Variants in PADI4 observed in about 807,000 individuals in gnomAD.
The protein encoded by PADI4 is protein-arginine deiminase type-4.
A neutral mutation model predicts 75.0 loss-of-function variants in PADI4; 62 were observed. The observed-to-expected ratio is 0.83, with a 90% CI of 0.67 to 1.02. The LOEUF is 1.02. Among genes scored for constraint, PADI4 ranks in the 50% least tolerant of loss-of-function variants. PADI4 has a pLI of 0.00. For synonymous variants in PADI4, 361 were observed against 348.1 expected, an observed-to-expected ratio of 1.04 and a Z score of -0.41; for missense variants, 845 against 850.5, an observed-to-expected ratio of 0.99 and a Z score of 0.08.
At chr1:17,320,946 T>C (rs1557543655) in intron 1 of PADI4, among the ~76,000 whole-genome samples, 1 of 152,200 alleles carries the variant, frequency 6.6e-6, no homozygotes, top group South Asian at 2.1e-4. Context: ...TAATCTAGGA[T>C]AATCTCCCCA....
chr1:17,309,923 C>T (rs1052166258), intron 1 of PADI4, among the ~76,000 whole-genome samples: 3 of 152,188 alleles, frequency 2.0e-5, no homozygotes, highest in East Asian at 1.9e-4. Context: ...CTCTACCCAG[C>T]GTCCATGAGT....
At chr1:17,319,194 G>GT (rs1569991536) in intron 1 of PADI4, among the ~76,000 whole-genome samples, 1 of 152,076 alleles carries the variant, frequency 6.6e-6, no homozygotes, top group African/African-American at 2.4e-5. Context: ...TGGTTCAAGT[G>GT]TTTTTTTGAT....
intron 14 of PADI4, 90 bp downstream of exon 14, chr1:17,358,998 C>T (rs1374912526): frequency 3.5e-6 from 3 of 856,538 alleles, no homozygotes; most frequent in East Asian, 2.6e-5. Context: ...CACAGAGGCT[C>T]AGGGTCTCAG....
intron 15 of PADI4, among the ~76,000 whole-genome samples, chr1:17,362,417 T>A (rs974407799): frequency 6.6e-6 from 1 of 150,922 alleles, no homozygotes; most frequent in African/African-American, 2.4e-5. Flanking sequence ...GCTGGAGGCA[T>A]TATCCTAAGT....
At chr1:17,324,362 C>T (rs1219464437) in intron 1 of PADI4, among the ~76,000 whole-genome samples, 1 of 151,974 alleles carries the variant, frequency 6.6e-6, no homozygotes, top group Non-Finnish European at 1.5e-5. Flanking sequence ...TGCCTAAGTT[C>T]TTTAAATAGT....
At position 17,336,186 on chromosome 1, in the gene PADI4, G is replaced by A. The variant is rs1313277831; in HGVS notation, c.368G>A (p.Arg123His). 8 of 1,613,150 alleles carry A rather than the reference G, an allele frequency of 5.0e-6. No homozygotes were observed. The highest frequency in any genetic ancestry group is 1.7e-5 in the Admixed American group (1 of 59,988). Residue 123 changes from arginine to histidine, a missense_variant, in exon 4 of 16, where the codon CGC (arginine) becomes CAC (histidine). Physicochemically the swap from Arg to His is conservative, Grantham distance 29 (BLOSUM62 0). Transcript: ENST00000375448. ...VEISLCADIT[R>H]TGKVKPTRAV... ...ATCTCCTTGTGCGCAGACATCACCC[G>A]CACCGGCAAAGTGAAGCCAACCAGA...
At chr1:17,352,254 G>T (rs77713664) in intron 10 of PADI4, among the ~76,000 whole-genome samples, 4,956 of 148,762 alleles carry the variant, frequency 0.033, 303 homozygotes, top group African/African-American at 0.12. Context: ...AGCAGAGGTG[G>T]TCAAGGAGGT....
intron 1 of PADI4, among the ~76,000 whole-genome samples, chr1:17,314,263 GACC>G (rs1244149706): frequency 6.6e-6 from 1 of 152,192 alleles, no homozygotes; most frequent in Non-Finnish European, 1.5e-5. Context: ...CCCATCCTCT[GACC>G]ACAGTGCCCA....
At chr1:17,313,957 C>A (rs2073890013) in intron 1 of PADI4, among the ~76,000 whole-genome samples, 1 of 152,202 alleles carries the variant, frequency 6.6e-6, no homozygotes, top group African/African-American at 2.4e-5. Context: ...TGGAACACAG[C>A]CAGAGGAAGC....
chr1:17,342,034 C>T lies in PADI4; in HGVS notation c.744C>T (p.Asp248=). The change falls in exon 7 of 16, where the codon GAC becomes GAT. Residue 248 remains aspartate, a synonymous_variant. Coordinates refer to ENST00000375448, the MANE Select transcript of PADI4 (RefSeq NM_012387.3). ...LMVPGGKHNM[D]FYVEALAFPD... ...TCCCCGGTGGAAAGCACAACATGGACTTCTACGTGGAGGCCCTCGCTTTCC... is the reference window on the plus strand; with the variant it reads ...TCCCCGGTGGAAAGCACAACATGGATTTCTACGTGGAGGCCCTCGCTTTCC... 6.2e-7 allele frequency: 1 copy of T among 1,613,888 alleles called. No homozygotes were observed. The highest frequency in any genetic ancestry group is 8.5e-7 in the Non-Finnish European group (1 of 1,179,776).
At position 17,356,142 on chromosome 1, in the gene PADI4, G is replaced by A. The variant is rs937206968; in HGVS notation, c.1455+15G>A. On this transcript the variant is annotated intron_variant, in intron 12 of 15. Transcript: ENST00000375448. The surrounding 1 kb of genome is among the most constrained non-coding windows in gnomAD (Gnocchi z 4.1). ...CCGACAGGAAGGTACAGTCTTGGGG[G>A]CTGCCTCAGGAAGCCATGCCTCCTT... 8 of 1,611,976 alleles carry A rather than the reference G, an allele frequency of 5.0e-6. No homozygotes were observed. The highest frequency in any genetic ancestry group is 4.0e-5 in the African/African-American group (3 of 74,876).
Position 17,342,461 on chromosome 1 carries a change from G to A in PADI4, c.935+59G>A, listed in dbSNP as rs553312194. 3.6e-4 allele frequency: 359 copies of A among 1,010,882 alleles called. 1 individual carries two copies. In the Middle Eastern group the frequency reaches 3.8e-3, roughly 11 times the overall value. The allele number at this position is 1,010,882 out of a possible 1,614,324, so 62.6% of individuals were successfully genotyped here. A position where few individuals can be genotyped will look rare whatever the true frequency, so the allele number is the denominator to read the frequency against. ...ACAACAAAGAGCCTGAGTTCCATCC[G>A]CAGCACTCACTGTGTGATGGGAAAA... On this transcript the variant is annotated intron_variant, in intron 8 of 15. Transcript: ENST00000375448.
intron 11 of PADI4, 103 bp from the exon 12 acceptor site, chr1:17,355,880 C>A: frequency 8.8e-7 from 1 of 1,135,340 alleles, no homozygotes; most frequent in Non-Finnish European, 1.3e-6. Context: ...ATCCCTTTCT[C>A]AGCTGAAGGA....
At position 17,308,268 on chromosome 1, in the gene PADI4, C is replaced by G. The variant is rs1233872154; in HGVS notation, c.46C>G (p.His16Asp). 1.2e-6 allele frequency: 2 copies of G among 1,614,142 alleles called. No homozygotes were observed. The highest frequency in any genetic ancestry group is 1.7e-6 in the Non-Finnish European group (2 of 1,180,000). ...CCGTGTGACCCCAGAGCAGCCCACC[C>G]ATGCCGTGTGTGTGCTGGGCACCTT... ...LIRVTPEQPT[H>D]AVCVLGTLTQ... is the part of the protein sequence containing the mutation. The change falls in exon 1 of 16, where the codon CAT becomes GAT. Residue 16 changes from histidine (H) to aspartate (D), a missense_variant. His to Asp is a moderately conservative substitution (Grantham distance 81, BLOSUM62 -1). Transcript: ENST00000375448.
rs201460378 is a variant in PADI4 at position 17,338,022 on chromosome 1, C to G, written c.409-16C>G. 1 of 1,529,000 alleles carries G rather than the reference C, an allele frequency of 6.5e-7. No homozygotes were observed. Among genetic ancestry groups the G allele is most frequent in the African/African-American group, 1.4e-5 (1 of 73,330 alleles). 94.7% of individuals were successfully genotyped at this position (1,529,000 alleles called of 1,614,324 possible). ...ATGCTAGTTTCTGAGCATGACTCTT[C>G]CCTGCTGGTGTCCAGAGGACCTGGA... On this transcript the variant is annotated splice_polypyrimidine_tract_variant and intron_variant, in intron 4 of 15. Transcript: ENST00000375448.
intron 15 of PADI4, among the ~76,000 whole-genome samples, chr1:17,362,555 G>A (rs2074861582): frequency 2.0e-5 from 3 of 152,044 alleles, no homozygotes; most frequent in Non-Finnish European, 2.9e-5. Context: ...GAATGAGAGC[G>A]AGGTGAGGGC....
chr1:17,334,009 GGTAA>G lies in PADI4; in HGVS notation c.340+3_340+6del, dbSNP rs2074263836. The G allele has an allele frequency of 6.2e-7, 1 of 1,600,940 alleles. No homozygotes were observed. Among genetic ancestry groups the G allele is most frequent in the Non-Finnish European group, 8.6e-7 (1 of 1,167,976 alleles). On this transcript the variant is annotated splice_donor_variant and splice_donor_region_variant and intron_variant, in intron 3 of 15. Transcript: ENST00000375448. LOFTEE classifies it high-confidence loss of function. ...AGCTCTACTCTACCTCACCGGGGTG[GGTAA>G]GTGACAACCAGGATCCTAGAGTGCC...
At position 17,346,061 on chromosome 1, in the gene PADI4, G is replaced by T. The variant is rs1452507718; in HGVS notation, c.969G>T (p.Val323=). 1 of 1,613,562 alleles carries T rather than the reference G, an allele frequency of 6.2e-7. No homozygotes were observed. The highest frequency in any genetic ancestry group is 8.5e-7 in the Non-Finnish European group (1 of 1,179,466). Residue 323 remains valine, a synonymous_variant, in exon 9 of 16, where the codon GTG becomes GTT. Transcript: ENST00000375448. This position sits in a 1 kb window ranked among gnomAD's most constrained non-coding sequence, Gnocchi z 4.3. ...IFENEDFLKS[V]TTLAMKAKCK... ...AAAATGAGGACTTCCTGAAGTCAGT[G>T]ACTACTCTGGCCATGAAAGCCAAGT...
At chr1:17,314,521 G>C (rs896521384) in intron 1 of PADI4, among the ~76,000 whole-genome samples, 2 of 152,174 alleles carry the variant, frequency 1.3e-5, no homozygotes, top group Non-Finnish European at 2.9e-5. Context: ...TTCATTTATT[G>C]TTATTATTAG....
Sources: gnomAD v4.1 joint callset for allele counts (sites outside exome capture counted in the v4.1 genomes callset) on GRCh38, gnomAD v4.1.1 for gene constraint, Gnocchi (gnomAD v3.1) non-coding constraint, MANE v1.5 for transcripts, NCBI Gene and HGNC (gene_info 2026-07-23, HGNC 2026-07-21) for gene names.